ALMS1: variants seen among roughly 807,000 people sequenced by gnomAD.
ALMS1 encodes centrosome-associated protein ALMS1.
Under a neutral mutation model 352.2 loss-of-function variants are expected in ALMS1, and 271 were observed. The ratio of observed to expected loss-of-function variants is 0.77; its 90% CI spans 0.70 to 0.85. ALMS1 has a LOEUF of 0.85. ALMS1 is among the 40% of genes least tolerant of loss of function. The pLI is 0.00. For synonymous variants in ALMS1, 1,865 were observed against 1,761.2 expected (o/e 1.06, Z -1.48); for missense variants, 5,445 against 4,870.7 (o/e 1.12, Z -3.51).
At chr2:73,607,592 G>A (rs1675842475) in intron 21 of ALMS1, among the ~76,000 whole-genome samples, 1 of 151,818 alleles carries the variant, frequency 6.6e-6, no homozygotes, top group South Asian at 2.1e-4. Flanking sequence ...AGTGTCTTCT[G>A]TCCTTCTCCC....
chr2:73,455,035 G>T, intron 8 of ALMS1, 127 bp from the exon 9 acceptor site: 2 of 1,061,504 alleles, frequency 1.9e-6, no homozygotes, highest in African/African-American at 1.6e-5. Flanking sequence ...TGTCATAATT[G>T]AGAAGAAGAC....
In ALMS1 at chr2:73,422,965, C is replaced by T. The variant is rs2103710779; in HGVS notation, c.755C>T (p.Ala252Val). The change falls in exon 4 of 23, where the codon GCA becomes GTA. Residue 252 changes from alanine (A) to valine (V), a missense_variant. Transcript: ENST00000613296. ...TTTCATCAAAGTGAACTAAGTTTTGCACCTCTGAGGTAGGATGATTTATTT... is the reference window on the plus strand; with the variant it reads ...TTTCATCAAAGTGAACTAAGTTTTGTACCTCTGAGGTAGGATGATTTATTT... ...SLFHQSELSF[A>V]PLRGIPDKSE... 2 of 1,608,046 alleles carry T rather than the reference C, an allele frequency of 1.2e-6. No individual in the cohort carries two copies. The highest frequency in any genetic ancestry group is 1.7e-6 in the Non-Finnish European group (2 of 1,174,644).
intron 7 of ALMS1, among the ~76,000 whole-genome samples, chr2:73,442,144 G>A (rs1420810835): frequency 6.6e-6 from 1 of 151,862 alleles, no homozygotes; most frequent in Non-Finnish European, 1.5e-5. Flanking sequence ...AATACAGGTT[G>A]AGCATCCCTA....
chr2:73,441,629 C>A (rs1487643419), intron 7 of ALMS1, among the ~76,000 whole-genome samples: 1 of 152,080 alleles, frequency 6.6e-6, no homozygotes, highest in Non-Finnish European at 1.5e-5. Context: ...ATTCCTATTC[C>A]TATTTCTGGT....
intron 7 of ALMS1, among the ~76,000 whole-genome samples, chr2:73,439,542 T>G (rs1034806484): frequency 1.3e-4 from 20 of 152,302 alleles, no homozygotes; most frequent in Admixed American, 1.0e-3. Context: ...TATTTTAGTT[T>G]GTTTGTTTAT....
chr2:73,608,025 C>G (rs369003949), intron 21 of ALMS1, among the ~76,000 whole-genome samples: 28 of 152,294 alleles, frequency 1.8e-4, no homozygotes, highest in African/African-American at 6.3e-4. Flanking sequence ...TCCGAACCTC[C>G]TTCCACCAGA....
At chr2:73,408,792 C>T in intron 2 of ALMS1, 45 bp downstream of exon 2, 1 of 1,583,730 alleles carries the variant, frequency 6.3e-7, no homozygotes, top group East Asian at 2.3e-5. Flanking sequence ...TGATAAGCAG[C>T]ACAAGAAATT....
At chr2:73,426,414 C>T (rs1050860986) in intron 5 of ALMS1, 39 bp from the exon 6 acceptor site, 39 of 1,601,336 alleles carry the variant, frequency 2.4e-5, no homozygotes, top group Non-Finnish European at 3.2e-5. Flanking sequence ...CCTAGTTTTA[C>T]TATACATACA....
chr2:73,480,066 A>C (rs1007856583), intron 9 of ALMS1, among the ~76,000 whole-genome samples: 1 of 150,094 alleles, frequency 6.7e-6, no homozygotes, highest in East Asian at 1.9e-4. Flanking sequence ...TTTTATTTTT[A>C]TTTTTATTTA....
chr2:73,386,190 A>G lies in ALMS1; in HGVS notation c.322A>G (p.Lys108Glu), dbSNP rs2104060499. The stretch of plus-strand genomic sequence containing the variant: ...GGAGGGCGAGCGGACCTCCCTGGAG[A>G]AGGTGAGGCGGGCCGGGGAGGGGTG... ...YSEGERTSLE[K>E]IVPLTCHVWQ... The change falls in exon 1 of 23, where the codon AAG becomes GAG. Residue 108 changes from lysine to glutamate, a missense_variant and splice_region_variant. Transcript: ENST00000613296. 6.5e-7 allele frequency: 1 copy of G among 1,536,194 alleles called. No homozygotes were observed. The highest frequency in any genetic ancestry group is 2.5e-5 in the East Asian group (1 of 40,094).
chr2:73,505,984 G>A (rs1165796639), intron 10 of ALMS1, among the ~76,000 whole-genome samples: 1 of 152,096 alleles, frequency 6.6e-6, no homozygotes, highest in Admixed American at 6.5e-5. Context: ...TGTAAGGAAG[G>A]GATCCAGTTT....
intron 16 of ALMS1, among the ~76,000 whole-genome samples, chr2:73,586,673 G>A (rs1373804010): frequency 1.3e-5 from 2 of 152,118 alleles, no homozygotes; most frequent in Non-Finnish European, 2.9e-5. Flanking sequence ...TTTGAAGTCA[G>A]GTAATAAGGA....
chr2:73,549,324 C>A (rs1217801946), intron 12 of ALMS1, among the ~76,000 whole-genome samples: 1 of 152,060 alleles, frequency 6.6e-6, no homozygotes, highest in East Asian at 1.9e-4. Flanking sequence ...AGTGTTTTGT[C>A]TTTTGTATTG....
At chr2:73,601,105 C>G in intron 18 of ALMS1, 90 bp from the exon 19 acceptor site, 1 of 1,594,672 alleles carries the variant, frequency 6.3e-7, no homozygotes, top group Non-Finnish European at 8.6e-7. Context: ...CCCCTGAGAA[C>G]CTGTATTATA....
At chr2:73,447,854 T>A in intron 7 of ALMS1, 106 bp from the exon 8 acceptor site, 1 of 1,366,806 alleles carries the variant, frequency 7.3e-7, no homozygotes, top group Non-Finnish European at 9.6e-7. Flanking sequence ...TTCCTTAGGA[T>A]TCATTTCTAG....
intron 17 of ALMS1, 81 bp from the exon 18 acceptor site, chr2:73,600,596 AG>A (rs1217394382): frequency 1.6e-6 from 2 of 1,265,296 alleles, no homozygotes; most frequent in African/African-American, 3.0e-5. Context: ...AACATTAAAA[AG>A]GGTTCACGTA....
rs1674833156 is a variant in ALMS1 at position 73,567,775 on chromosome 2, G to A, written c.10385-4487G>A. On this transcript the variant is annotated intron_variant, in intron 15 of 22. Transcript: ENST00000613296. ...ATAAAAGATCCAAGTATAAAAAAGAGATCATAAAAGTTCTGGTTTTCTGAC... is the reference window on the plus strand; with the variant it reads ...ATAAAAGATCCAAGTATAAAAAAGAAATCATAAAAGTTCTGGTTTTCTGAC... Among the ~76,000 whole-genome samples, 3 of 152,172 alleles carry A rather than the reference G, an allele frequency of 2.0e-5. No homozygotes were observed. The South Asian group carries it at 6.2e-4, about 32-fold the overall frequency.
At position 73,426,500 on chromosome 2, in the gene ALMS1, C is replaced by A; in HGVS notation, c.1285C>A (p.Leu429Ile). The change falls in exon 6 of 23, where the codon CTA becomes ATA. Residue 429 changes from leucine to isoleucine, a missense_variant. Leu to Ile is a conservative substitution (Grantham distance 5, BLOSUM62 2). Transcript: ENST00000613296. ...VESDVITLDG[L>I]NENAVVCSER... is the part of the protein sequence containing the mutation. The stretch of plus-strand genomic sequence containing the variant: ...GTCTGACGTCATTACTCTGGATGGC[C>A]TAAATGAAAATGCTGTTGTATGCAG... 1.2e-6 allele frequency: 2 copies of A among 1,614,038 alleles called. No homozygotes were observed. The highest frequency in any genetic ancestry group is 1.7e-6 in the Non-Finnish European group (2 of 1,179,960).
At chr2:73,499,895 C>T (rs1168498949) in intron 10 of ALMS1, among the ~76,000 whole-genome samples, 4 of 152,144 alleles carry the variant, frequency 2.6e-5, no homozygotes, top group African/African-American at 9.7e-5. Flanking sequence ...CTTTTCTCTT[C>T]CCGTGTGATG....
Sources: gnomAD v4.1 joint callset for allele counts (sites outside exome capture counted in the v4.1 genomes callset) on GRCh38, gnomAD v4.1.1 for gene constraint, MANE v1.5 for transcripts, NCBI Gene and HGNC (gene_info 2026-07-23, HGNC 2026-07-21) for gene names.